PKD1L3: variants seen among roughly 807,000 people sequenced by gnomAD.
The protein encoded by PKD1L3 is polycystin-1-like protein 3.
In PKD1L3, 239 loss-of-function variants were observed where a neutral mutation model predicts 184.1. That is an observed-to-expected ratio of 1.30 (90% confidence interval 1.17 to 1.45). The LOEUF (loss-of-function observed/expected upper bound fraction) is 1.45. Ranked by LOEUF, PKD1L3 falls within the 40% of genes most tolerant of loss-of-function variation. The pLI is 0.00. For synonymous variants in PKD1L3, 996 were observed against 778.8 expected (o/e 1.28, Z -4.64); for missense variants, 2,660 against 2,067.2 (o/e 1.29, Z -5.56).
At chr16:71,935,860 G>T (rs1449511334) in intron 25 of PKD1L3, among the ~76,000 whole-genome samples, 1 of 152,170 alleles carries the variant, frequency 6.6e-6, no homozygotes, top group African/African-American at 2.4e-5. Flanking sequence ...TGCGATCATA[G>T]CTCACTGCAG....
rs537488352 is a variant in PKD1L3 at position 71,938,735 on chromosome 16, G to A, written c.4325-1316C>T. ...ACCCACTCCAGATCTCTCTGCTGAG[G>A]GCTACACAAACAATGGGACGACCTG... On this transcript the variant is annotated intron_variant, in intron 24 of 29. Coordinates refer to ENST00000620267, the MANE Select transcript of PKD1L3 (RefSeq NM_181536.2). 4.9e-4 allele frequency among the ~76,000 whole-genome samples: 74 copies of A among 152,286 alleles called. 1 individual carries two copies. Among genetic ancestry groups the A allele is most frequent in the African/African-American group, 1.7e-3 (70 of 41,552 alleles).
Position 71,967,946 on chromosome 16 carries a change from A to C in PKD1L3, c.2246T>G (p.Val749Gly). The C allele has an allele frequency of 1.3e-6, 2 of 1,551,698 alleles. No homozygotes were observed. Among genetic ancestry groups the C allele is most frequent in the Non-Finnish European group, 1.7e-6 (2 of 1,146,930 alleles). The change falls in exon 14 of 30, where the codon GTC becomes GGC. Residue 749 changes from valine to glycine, a missense_variant. Physicochemically the swap from Val to Gly is moderately radical, Grantham distance 109 (BLOSUM62 -3). Transcript: ENST00000620267. ...AGCGCTTCTTCGATATCCGGTGTAG[A>C]CCTGAATAAGGTAGTGAAATTGAGC... is the stretch of plus-strand genomic sequence containing the variant. ...PSAQFHYLIQ[V>G]YTGYRRSAAT...
rs538850810 is a variant in PKD1L3, at chr16:71,979,998, C to G, written c.1271+9G>C. 5.8e-6 allele frequency: 9 copies of G among 1,551,382 alleles called. No homozygotes were observed. The highest frequency in any genetic ancestry group is 7.8e-6 in the Non-Finnish European group (9 of 1,146,946). On this transcript the variant is annotated intron_variant, in intron 8 of 29. Coordinates refer to ENST00000620267, the MANE Select transcript of PKD1L3 (RefSeq NM_181536.2). ...AGTGAAACTCTCCCCGTTCCTTCTT[C>G]CCATTAACCTGCTCAGCAGCAGAGT...
chr16:71,934,251 G>A, intron 26 of PKD1L3, 126 bp from the exon 27 acceptor site: 1 of 823,754 alleles, frequency 1.2e-6, no homozygotes, highest in East Asian at 2.7e-5. Flanking sequence ...GTTGATGTGA[G>A]AACTGCTTTC....
At chr16:71,973,207 A>G in intron 12 of PKD1L3, 117 bp downstream of exon 12, 1 of 1,262,470 alleles carries the variant, frequency 7.9e-7, no homozygotes, top group Non-Finnish European at 1.1e-6. Flanking sequence ...AGGCAGAGTT[A>G]TTTCAAACCA....
intron 11 of PKD1L3, among the ~76,000 whole-genome samples, chr16:71,977,022 C>T (rs1204193184): frequency 1.3e-5 from 2 of 152,212 alleles, no homozygotes; most frequent in African/African-American, 2.4e-5. Context: ...GGATTATAGG[C>T]GCAAGCCACC....
At chr16:71,933,806 T>C in intron 27 of PKD1L3, 109 bp downstream of exon 27, 1 of 1,236,422 alleles carries the variant, frequency 8.1e-7, no homozygotes, top group Non-Finnish European at 1.1e-6. Flanking sequence ...AACCCGGCTT[T>C]CCTACTGTAC....
intron 5 of PKD1L3, among the ~76,000 whole-genome samples, chr16:71,985,089 A>T (rs1276068623): frequency 6.6e-6 from 1 of 152,168 alleles, no homozygotes; most frequent in Non-Finnish European, 1.5e-5. Context: ...ATTCAACCAC[A>T]TATTCAAGAA....
Position 71,986,432 on chromosome 16 carries a change from G to T in PKD1L3, c.623C>A (p.Ser208Ter), listed in dbSNP as rs1331152780. The T allele has an allele frequency of 5.2e-6, 8 of 1,551,750 alleles. 1 individual carries two copies. The South Asian group carries it at 8.3e-5, about 16-fold the overall frequency. ...CTGTGATGTGATACTTGATAGTACT[G>T]AAGGAAACTGGCTGATGGGATGACA... ...TLCHPISQFPSVLSSITSQVT... is the reference protein window; with the variant it reads ...TLCHPISQFP Residue 208 changes from serine (S) to a stop codon, truncating the protein, a stop_gained, in exon 5 of 30, where the codon TCA (serine) becomes TAA (stop). Transcript: ENST00000620267. LOFTEE classifies it high-confidence loss of function.
intron 4 of PKD1L3, among the ~76,000 whole-genome samples, chr16:71,987,950 A>AGG (rs2040438606): frequency 6.6e-6 from 1 of 152,170 alleles, no homozygotes; most frequent in Non-Finnish European, 1.5e-5. Context: ...TGATGGTGGC[A>AGG]GGAGGGGGAT....
intron 24 of PKD1L3, among the ~76,000 whole-genome samples, chr16:71,938,215 C>A (rs1464382767): frequency 2.0e-5 from 3 of 152,240 alleles, no homozygotes; most frequent in Non-Finnish European, 4.4e-5. Context: ...AGCACCTGCT[C>A]TGATTTTGGA....
chr16:71,943,470 A>T (rs1389987318), intron 23 of PKD1L3, among the ~76,000 whole-genome samples: 1 of 147,526 alleles, frequency 6.8e-6, no homozygotes, highest in Non-Finnish European at 1.5e-5. Flanking sequence ...CCCAGGAGGC[A>T]CAGGATGCAG....
chr16:71,942,444 C>A, intron 24 of PKD1L3, 116 bp downstream of exon 24: 2 of 833,146 alleles, frequency 2.4e-6, no homozygotes, highest in Non-Finnish European at 3.7e-6. Context: ...AACAAATTTA[C>A]CTCTCTTGTA....
chr16:71,998,203 CA>C, intron 2 of PKD1L3, 68 bp downstream of exon 2: 1 of 1,533,570 alleles, frequency 6.5e-7, no homozygotes, highest in Non-Finnish European at 8.8e-7. Flanking sequence ...AATATTCTCA[CA>C]TGCACTCCTT....
chr16:71,956,531 A>G (rs2039056530), intron 16 of PKD1L3, among the ~76,000 whole-genome samples: 1 of 152,190 alleles, frequency 6.6e-6, no homozygotes, highest in South Asian at 2.1e-4. Flanking sequence ...TACAGCATGA[A>G]TGAACCTTGA....
At chr16:71,966,755 A>C (rs2039516233) in intron 15 of PKD1L3, among the ~76,000 whole-genome samples, 1 of 151,976 alleles carries the variant, frequency 6.6e-6, no homozygotes, top group Non-Finnish European at 1.5e-5. Flanking sequence ...ATTTGACTCA[A>C]AGTTTGACTG....
At chr16:71,956,505 A>G (rs924157294) in intron 16 of PKD1L3, among the ~76,000 whole-genome samples, 4 of 152,202 alleles carry the variant, frequency 2.6e-5, no homozygotes, top group African/African-American at 9.6e-5. Flanking sequence ...AAAAGGAAGG[A>G]AATTCTTGCA....
intron 12 of PKD1L3, 137 bp from the exon 13 acceptor site, chr16:71,970,242 G>A: frequency 1.5e-6 from 1 of 681,388 alleles, no homozygotes; most frequent in Non-Finnish European, 2.5e-6. Context: ...GGCGTAAATT[G>A]GTATAACCAA....
intron 5 of PKD1L3, among the ~76,000 whole-genome samples, chr16:71,984,721 T>A (rs1232080837): frequency 2.0e-5 from 3 of 152,156 alleles, no homozygotes; most frequent in Non-Finnish European, 4.4e-5. Context: ...TAACCAGGCT[T>A]GGTGGTGTAC....
Sources: allele counts gnomAD v4.1 joint callset (sites outside exome capture counted in the v4.1 genomes callset), GRCh38; gene constraint gnomAD v4.1.1; transcripts MANE v1.5; gene names NCBI Gene and HGNC (gene_info 2026-07-23, HGNC 2026-07-21).